CPLANE1: variants seen among roughly 807,000 people sequenced by gnomAD.
CPLANE1 encodes the protein ciliogenesis and planar polarity effector 1.
In CPLANE1, 263 loss-of-function variants were observed where a neutral mutation model predicts 362.5. The observed-to-expected ratio is 0.73, with a 90% CI of 0.66 to 0.80. The LOEUF (loss-of-function observed/expected upper bound fraction) is 0.80, where lower values mean the gene tolerates loss of function less well. CPLANE1 is among the 30% of genes least tolerant of loss of function. The pLI is 0.00. For missense variants in CPLANE1, 3,461 were observed against 3,793.4 expected (o/e 0.91, Z 2.30); for synonymous variants, 1,212 against 1,302.6 (o/e 0.93, Z 1.50).
intron 14 of CPLANE1, among the ~76,000 whole-genome samples, chr5:37,222,200 G>A (rs1795504512): frequency 6.6e-6 from 1 of 152,118 alleles, no homozygotes; most frequent in Non-Finnish European, 1.5e-5. Flanking sequence ...CTCCCTAGAT[G>A]TGGCCATGTA....
chr5:37,208,811 A>G (rs1294042197), intron 16 of CPLANE1, among the ~76,000 whole-genome samples: 1 of 152,064 alleles, frequency 6.6e-6, no homozygotes, highest in African/African-American at 2.4e-5. Context: ...TAACAGTTAT[A>G]ACCATTTGAT....
In CPLANE1 at chr5:37,106,653, G is replaced by A. The variant is rs967489939; in HGVS notation, c.*949C>T. The A allele has an allele frequency of 2.3e-5, 8 of 343,124 alleles. No homozygotes were observed. The highest frequency in any genetic ancestry group is 2.9e-5 in the Non-Finnish European group (7 of 243,300). The allele number at this position is 343,124 out of a possible 1,614,324, so 21.3% of individuals were successfully genotyped here. A position where few individuals can be genotyped will look rare whatever the true frequency, so the allele number is the denominator to read the frequency against. The stretch of plus-strand genomic sequence containing the variant: ...GTTCTACAAATCTCTTTAATGTTTA[G>A]CTTGATAGAAGGCAGCTGAATTACC... On this transcript the variant is annotated 3_prime_UTR_variant, in exon 53 of 53. Coordinates refer to ENST00000651892, the MANE Select transcript of CPLANE1 (RefSeq NM_001384732.1).
At chr5:37,172,996 T>A (rs1411354825) in intron 32 of CPLANE1, among the ~76,000 whole-genome samples, 1 of 151,786 alleles carries the variant, frequency 6.6e-6, no homozygotes, top group Non-Finnish European at 1.5e-5. Context: ...AAAATAAAAA[T>A]ATAAAAAAAA....
chr5:37,158,097 C>T (rs1775696947), intron 39 of CPLANE1, 127 bp downstream of exon 39: 1 of 1,099,684 alleles, frequency 9.1e-7, no homozygotes, highest in African/African-American at 1.6e-5. Context: ...ATTTTTGAAC[C>T]TTTACTACAA....
intron 29 of CPLANE1, 43 bp from the exon 30 acceptor site, chr5:37,177,743 A>T (rs1281899779): frequency 4.2e-6 from 6 of 1,430,686 alleles, no homozygotes; most frequent in Non-Finnish European, 4.9e-6. Flanking sequence ...AGGTAAAACA[A>T]ATAGGTATTA....
At chr5:37,160,961 G>A (rs902025667) in intron 38 of CPLANE1, among the ~76,000 whole-genome samples, 24 of 152,116 alleles carry the variant, frequency 1.6e-4, no homozygotes, top group African/African-American at 4.6e-4. Flanking sequence ...GTGAGCCACC[G>A]CGCCCAGCCT....
At chr5:37,235,143 T>C (rs1277001460) in intron 8 of CPLANE1, among the ~76,000 whole-genome samples, 1 of 152,156 alleles carries the variant, frequency 6.6e-6, no homozygotes, top group Non-Finnish European at 1.5e-5. Flanking sequence ...TACTTTATAT[T>C]AACAAGATGA....
chr5:37,162,456 A>T lies in CPLANE1; in HGVS notation c.7690+9T>A. The T allele has an allele frequency of 6.5e-7, 1 of 1,549,216 alleles. No homozygotes were observed. The highest frequency in any genetic ancestry group is 8.9e-7 in the Non-Finnish European group (1 of 1,129,640). On this transcript the variant is annotated intron_variant, in intron 38 of 52. Transcript: ENST00000651892. ...TATGAATTTTTTTAAAAAGTAAAAC[A>T]GCATTTACCTGGGTCTGTATTTGTA...
chr5:37,088,894 T>C, the CPLANE1 span, among the ~76,000 whole-genome samples: 2 of 152,156 alleles, frequency 1.3e-5, no homozygotes, highest in African/African-American at 2.4e-5. Flanking sequence ...TGGTAATTGA[T>C]AGTGATTATC....
chr5:37,195,984 C>T lies in CPLANE1; in HGVS notation c.3685G>A (p.Gly1229Arg). ...AAAGGACTCAGTGAAGGAAGGGATC[C>T]TTTCATTCGAATCTAAAAGTAAAGA... ...RKVMQKIRMKGSLPSLSPFPQ... is the reference protein window; with the variant it reads ...RKVMQKIRMKRSLPSLSPFPQ... Residue 1229 changes from glycine (G) to arginine (R), a missense_variant, in exon 21 of 53, where the codon GGA becomes AGA. Physicochemically the swap from Gly to Arg is moderately radical, Grantham distance 125 (BLOSUM62 -2). Around this residue, in one of 2 missense-constraint regions of CPLANE1, gnomAD observed 3,380 missense variants for 3,666.1 expected, o/e 0.92. Coordinates refer to ENST00000651892, the MANE Select transcript of CPLANE1 (RefSeq NM_001384732.1). 2 of 1,599,136 alleles carry T rather than the reference C, an allele frequency of 1.3e-6. No homozygotes were observed. The highest frequency in any genetic ancestry group is 1.7e-6 in the Non-Finnish European group (2 of 1,175,362).
chr5:37,226,902 TTCTA>T lies in CPLANE1; in HGVS notation c.1689_1692del (p.Asp563GlufsTer19). The T allele has an allele frequency of 1.3e-6, 2 of 1,551,830 alleles. No homozygotes were observed. The highest frequency in any genetic ancestry group is 1.2e-5 in the South Asian group (1 of 84,046). On this transcript the variant is annotated frameshift_variant, in exon 12 of 53. Transcript: ENST00000651892. Reference sequence around the variant, plus strand: ...TGGATAGAATGCAGTTCTGTAATGGTTCTATCTGTCTCCTCACTATCATCCTTTG... The same window carrying T: ...TGGATAGAATGCAGTTCTGTAATGGTTCTGTCTCCTCACTATCATCCTTTG...
chr5:37,076,412 A>T, the CPLANE1 span, among the ~76,000 whole-genome samples: 1 of 152,052 alleles, frequency 6.6e-6, no homozygotes, highest in South Asian at 2.1e-4. Context: ...CCCAGATTCA[A>T]GTGATTCTCA....
intron 2 of CPLANE1, among the ~76,000 whole-genome samples, chr5:37,247,254 T>C (rs904475335): frequency 2.0e-5 from 3 of 152,140 alleles, no homozygotes; most frequent in African/African-American, 7.2e-5. Flanking sequence ...AAAACCACAA[T>C]AGGAGGAAAC....
intron 42 of CPLANE1, among the ~76,000 whole-genome samples, chr5:37,151,304 C>T (rs1336695172): frequency 6.6e-6 from 1 of 152,200 alleles, no homozygotes; most frequent in East Asian, 1.9e-4. Context: ...GCTCGAGTCA[C>T]CTCCACAAAG....
chr5:37,186,263 A>C (rs1257562245), intron 24 of CPLANE1, 23 bp downstream of exon 24: 16 of 1,089,826 alleles, frequency 1.5e-5, no homozygotes, highest in Non-Finnish European at 2.0e-5. Flanking sequence ...TCTGTTAGCT[A>C]TCTGAGAAAC....
intron 47 of CPLANE1, 119 bp downstream of exon 47, chr5:37,125,125 T>G (rs936911237): frequency 3.5e-6 from 5 of 1,410,482 alleles, no homozygotes; most frequent in Non-Finnish European, 4.7e-6. Context: ...AAACATTTAC[T>G]TTTCTATATG....
At chr5:37,164,152 C>G (rs1027710851) in intron 37 of CPLANE1, 121 bp downstream of exon 37, 1 of 738,714 alleles carries the variant, frequency 1.4e-6, no homozygotes, top group Non-Finnish European at 2.3e-6. Context: ...GTATAGGAAC[C>G]CTTGAATTTG....
intron 47 of CPLANE1, 195 bp downstream of exon 47, chr5:37,125,049 T>C: frequency 7.4e-7 from 1 of 1,353,420 alleles, no homozygotes; most frequent in Non-Finnish European, 9.5e-7. Context: ...TAATTCAGTA[T>C]AACTTGGTTA....
chr5:37,160,934 G>A (rs1776699766), intron 38 of CPLANE1, among the ~76,000 whole-genome samples: 1 of 152,068 alleles, frequency 6.6e-6, no homozygotes, highest in African/African-American at 2.4e-5. Flanking sequence ...GCCTCCCAAA[G>A]TGCTGGGATT....
Sources: allele counts gnomAD v4.1 joint callset (sites outside exome capture counted in the v4.1 genomes callset), GRCh38; gene constraint gnomAD v4.1.1; regional missense constraint gnomAD v4.1.1; transcripts MANE v1.5; gene names NCBI Gene and HGNC (gene_info 2026-07-23, HGNC 2026-07-21).